The following EXOC6B variants were observed in gnomAD, a reference collection of about 807,000 sequenced individuals.
The protein encoded by EXOC6B is exocyst complex component 6B, also known as SEC15 homolog B.
EXOC6B carries 54 observed loss-of-function variants against 113.5 expected under a neutral mutation model. The ratio of observed to expected loss-of-function variants is 0.48; its 90% CI spans 0.38 to 0.60. The LOEUF is 0.60. Ranked by LOEUF, EXOC6B falls within the 20% of genes least tolerant of loss-of-function variation. The probability of loss-of-function intolerance (pLI) is 0.00; values close to 1 mark genes in which losing one functional copy is unlikely to be tolerated. For synonymous variants in EXOC6B, 357 were observed against 339.0 expected, an observed-to-expected ratio of 1.05 and a Z score of -0.58; for missense variants, 797 against 977.5, an observed-to-expected ratio of 0.82 and a Z score of 2.46.
intron 4 of EXOC6B, 45 bp downstream of exon 4, chr2:72,731,110 A>AC: frequency 1.3e-6 from 2 of 1,580,326 alleles, no homozygotes; most frequent in Non-Finnish European, 1.7e-6. Flanking sequence ...ATTAAAGCAA[A>AC]AAAAAAATTA....
chr2:72,654,161 G>A (rs1185553164), intron 6 of EXOC6B, among the ~76,000 whole-genome samples: 1 of 151,942 alleles, frequency 6.6e-6, no homozygotes, highest in East Asian at 1.9e-4. Flanking sequence ...TAGTAGAGAC[G>A]GGGTTTCACC....
intron 6 of EXOC6B, among the ~76,000 whole-genome samples, chr2:72,715,534 C>G (rs1167332755): frequency 6.6e-6 from 1 of 151,136 alleles, no homozygotes; most frequent in Admixed American, 6.6e-5. Context: ...GCTAGGAGCT[C>G]AAGAGAACAA....
intron 20 of EXOC6B, among the ~76,000 whole-genome samples, chr2:72,308,010 G>A (rs908314306): frequency 3.3e-5 from 5 of 152,140 alleles, no homozygotes; most frequent in Non-Finnish European, 7.4e-5. Flanking sequence ...GACTTTCAGA[G>A]TTCATTGTTG....
chr2:72,697,437 G>C (rs1171437032), intron 6 of EXOC6B, among the ~76,000 whole-genome samples: 1 of 152,070 alleles, frequency 6.6e-6, no homozygotes, highest in Admixed American at 6.6e-5. Context: ...TGTAATCCCA[G>C]AACTTTTGGA....
At chr2:72,184,007 T>C (rs1678257475) in intron 21 of EXOC6B, 68 bp downstream of exon 21, 2 of 900,162 alleles carry the variant, frequency 2.2e-6, no homozygotes, top group Non-Finnish European at 3.5e-6. Flanking sequence ...GGCAAAATTA[T>C]CTTCTACGCC....
At chr2:72,642,914 A>G (rs1463722818) in intron 6 of EXOC6B, among the ~76,000 whole-genome samples, 1 of 148,874 alleles carries the variant, frequency 6.7e-6, no homozygotes, top group African/African-American at 2.5e-5. Context: ...AAACAAATTT[A>G]CAAGAAAAAA....
At chr2:72,752,380 C>G (rs1258034594) in intron 1 of EXOC6B, among the ~76,000 whole-genome samples, 1 of 152,096 alleles carries the variant, frequency 6.6e-6, no homozygotes, top group Non-Finnish European at 1.5e-5. Context: ...GAAGGTTATT[C>G]CATCAATACT....
intron 20 of EXOC6B, among the ~76,000 whole-genome samples, chr2:72,245,327 A>G (rs1682580585): frequency 6.6e-6 from 1 of 152,356 alleles, no homozygotes; most frequent in South Asian, 2.1e-4. Context: ...AAATAAATCC[A>G]TGCAAATATA....
At chr2:72,563,472 A>G (rs1703999658) in intron 7 of EXOC6B, among the ~76,000 whole-genome samples, 1 of 152,170 alleles carries the variant, frequency 6.6e-6, no homozygotes, top group South Asian at 2.1e-4. Flanking sequence ...TAGCATTTAT[A>G]TTCTATAAAT....
chr2:72,341,332 T>C (rs540665341), intron 19 of EXOC6B, among the ~76,000 whole-genome samples: 1 of 152,274 alleles, frequency 6.6e-6, no homozygotes, highest in South Asian at 2.1e-4. Flanking sequence ...CCACAAATCA[T>C]GTCTGACAAA....
At chr2:72,671,863 G>A (rs1675897522) in intron 6 of EXOC6B, among the ~76,000 whole-genome samples, 1 of 142,298 alleles carries the variant, frequency 7.0e-6, no homozygotes. Context: ...GAAGAAGGAA[G>A]GAAGAAAGGA....
intron 18 of EXOC6B, among the ~76,000 whole-genome samples, chr2:72,431,485 T>TTATCTATCTATCATCTATC (rs1553407603): frequency 3.0e-5 from 4 of 133,784 alleles, no homozygotes; most frequent in African/African-American, 8.7e-5. Context: ...CTTGATTTCT[T>TTATCTATCTATCATCTATC]TATCTATCTA....
intron 8 of EXOC6B, among the ~76,000 whole-genome samples, chr2:72,539,805 T>C (rs189371969): frequency 6.6e-6 from 1 of 152,148 alleles, no homozygotes; most frequent in African/African-American, 2.4e-5. Flanking sequence ...AATTTTTTTA[T>C]TATTATTATA....
intron 20 of EXOC6B, among the ~76,000 whole-genome samples, chr2:72,317,988 A>G (rs1430107063): frequency 6.6e-6 from 1 of 152,176 alleles, no homozygotes; most frequent in Non-Finnish European, 1.5e-5. Flanking sequence ...TTAGGTTTTT[A>G]GAGCATATTT....
intron 20 of EXOC6B, among the ~76,000 whole-genome samples, chr2:72,297,183 CAT>C (rs772746982): frequency 2.0e-5 from 3 of 152,106 alleles, no homozygotes; most frequent in Non-Finnish European, 4.4e-5. Flanking sequence ...TTTTAAATTT[CAT>C]ATGTCTTGGA....
At chr2:72,451,400 A>G (rs1337299583) in intron 18 of EXOC6B, among the ~76,000 whole-genome samples, 1 of 152,188 alleles carries the variant, frequency 6.6e-6, no homozygotes, top group Non-Finnish European at 1.5e-5. Context: ...AAGTAAAAAC[A>G]AAAAATAGTA....
chr2:72,824,711 C>CAGAATGCATAA lies in EXOC6B; in HGVS notation c.113+1076_113+1086dup, dbSNP rs376826399. On this transcript the variant is annotated intron_variant, in intron 1 of 21. Transcript: ENST00000272427. ...GTTATCTATGTATTGGCTGCATGAT[C>CAGAATGCATAA]AGAATGCATAACAGTAAGGGATAAG... 1.4e-4 allele frequency among the ~76,000 whole-genome samples: 22 copies of CAGAATGCATAA among 152,278 alleles called. 2 individuals are homozygous for CAGAATGCATAA. Among genetic ancestry groups the CAGAATGCATAA allele is most frequent in the African/African-American group, 4.6e-4 (19 of 41,540 alleles).
At chr2:72,342,009 T>C (rs370034608) in intron 19 of EXOC6B, among the ~76,000 whole-genome samples, 2 of 151,540 alleles carry the variant, frequency 1.3e-5, no homozygotes, top group South Asian at 4.2e-4. Flanking sequence ...GTCAAATAAA[T>C]TAAAAAGGGA....
intron 20 of EXOC6B, among the ~76,000 whole-genome samples, chr2:72,192,883 T>C (rs749163155): frequency 6.6e-6 from 1 of 152,190 alleles, no homozygotes; most frequent in Non-Finnish European, 1.5e-5. Context: ...CAGGATAGAC[T>C]ACAAAATGAT....
Sources: gnomAD v4.1 joint callset for allele counts (sites outside exome capture counted in the v4.1 genomes callset) on GRCh38, gnomAD v4.1.1 for gene constraint, MANE v1.5 for transcripts, NCBI Gene and HGNC (gene_info 2026-07-23, HGNC 2026-07-21) for gene names.